SLC4A4: variants seen among roughly 807,000 people sequenced by gnomAD.
SLC4A4 encodes electrogenic sodium bicarbonate cotransporter 1.
Under a neutral mutation model 111.5 loss-of-function variants are expected in SLC4A4, and 27 were observed. The ratio of observed to expected loss-of-function variants is 0.24; its 90% CI spans 0.18 to 0.33. The LOEUF (loss-of-function observed/expected upper bound fraction) is 0.33. Ranked by LOEUF, SLC4A4 falls within the 10% of genes least tolerant of loss-of-function variation. The probability of loss-of-function intolerance (pLI) is 1.00; values close to 1 mark genes in which losing one functional copy is unlikely to be tolerated. For missense variants in SLC4A4, 909 were observed against 1,315.5 expected, an observed-to-expected ratio of 0.69 and a Z score of 4.78; for synonymous variants, 443 against 463.4, an observed-to-expected ratio of 0.96 and a Z score of 0.57.
chr4:71,218,637 G>C (rs1347872721), intron 1 of SLC4A4, among the ~76,000 whole-genome samples: 3 of 152,016 alleles, frequency 2.0e-5, no homozygotes, highest in Non-Finnish European at 4.4e-5. Context: ...AATCTATATG[G>C]GTTGTATCAC....
intron 3 of SLC4A4, among the ~76,000 whole-genome samples, chr4:71,306,858 G>T (rs1000218436): frequency 6.6e-6 from 1 of 152,054 alleles, no homozygotes; most frequent in Non-Finnish European, 1.5e-5. Flanking sequence ...CTTTTTCTTC[G>T]CCTGCTCTTG....
At chr4:71,476,168 A>C (rs1420419006) in intron 14 of SLC4A4, among the ~76,000 whole-genome samples, 1 of 151,802 alleles carries the variant, frequency 6.6e-6, no homozygotes, top group Non-Finnish European at 1.5e-5. Flanking sequence ...ATGATTGTGT[A>C]TCTCCCCCAT....
At chr4:71,361,029 C>T (rs962622914) in intron 6 of SLC4A4, among the ~76,000 whole-genome samples, 4 of 152,268 alleles carry the variant, frequency 2.6e-5, no homozygotes, top group Admixed American at 1.3e-4. Flanking sequence ...GGAGGAGGAG[C>T]GGCCCGGCTT....
intron 3 of SLC4A4, among the ~76,000 whole-genome samples, chr4:71,283,234 C>T (rs1211401931): frequency 4.6e-5 from 7 of 151,766 alleles, no homozygotes; most frequent in Admixed American, 3.3e-4. Context: ...CCTCATTTCT[C>T]TTTCATTGCC....
chr4:71,481,877 G>A (rs1375733872), intron 14 of SLC4A4, among the ~76,000 whole-genome samples: 1 of 151,234 alleles, frequency 6.6e-6, no homozygotes, highest in Non-Finnish European at 1.5e-5. Context: ...GTATGAAACA[G>A]AGATTGTCCC....
chr4:71,519,569 A>G (rs1732739335), intron 16 of SLC4A4, among the ~76,000 whole-genome samples: 3 of 152,070 alleles, frequency 2.0e-5, no homozygotes, highest in Admixed American at 2.0e-4. Context: ...TTATACCCCA[A>G]CTCATTTCAC....
chr4:71,263,084 A>G (rs868390169), intron 3 of SLC4A4, among the ~76,000 whole-genome samples: 2 of 143,212 alleles, frequency 1.4e-5, no homozygotes, highest in African/African-American at 2.6e-5. Context: ...TCGTTGTTCA[A>G]TTCCCACCTA....
Position 71,149,186 on chromosome 4 carries a change from T to C in SLC4A4, c.-2+56394T>C, listed in dbSNP as rs891025241. ...GCCAGGTGTACTCAGTGAGTTTAAT[T>C]AGAATGGCATGATTCTCTTTCTTGA... On this transcript the variant is annotated intron_variant, in intron 2 of 26. Coordinates refer to the SLC4A4 transcript ENST00000649996. Among the ~76,000 whole-genome samples, 6 of 152,276 alleles carry C rather than the reference T, an allele frequency of 3.9e-5. No homozygotes were observed. The East Asian group carries it at 1.2e-3, about 29-fold the overall frequency.
At chr4:71,170,800 G>A (rs141888407) in intron 2 of SLC4A4, among the ~76,000 whole-genome samples, 102 of 152,318 alleles carry the variant, frequency 6.7e-4, no homozygotes, top group African/African-American at 2.4e-3. Context: ...TATCAGTATG[G>A]AGGAGAGGTC....
At chr4:71,556,025 G>A (rs1475798816) in intron 21 of SLC4A4, among the ~76,000 whole-genome samples, 1 of 151,864 alleles carries the variant, frequency 6.6e-6, no homozygotes, top group Non-Finnish European at 1.5e-5. Context: ...TATTTTAATG[G>A]GAAAAGACTG....
In SLC4A4 at chr4:71,571,863, A is replaced by T. The variant is rs1737950717; in HGVS notation, c.*4112A>T. ...TTTTTATTTTAAATGAAGTAGATCAACATGGTGGAACAAAATGATAAAGAA... is the reference window on the plus strand; with the variant it reads ...TTTTTATTTTAAATGAAGTAGATCATCATGGTGGAACAAAATGATAAAGAA... On this transcript the variant is annotated 3_prime_UTR_variant, in exon 26 of 26. Transcript: ENST00000264485. 6.6e-6 allele frequency: 1 copy of T among 152,304 alleles called. No homozygotes were observed. Among genetic ancestry groups the T allele is most frequent in the Non-Finnish European group, 1.5e-5 (1 of 67,890 alleles). The allele number at this position is 152,304 out of a possible 1,614,324, so 9.4% of individuals were successfully genotyped here.
In SLC4A4 at chr4:71,395,987, T is replaced by C. The variant is rs4490429; in HGVS notation, c.731-1590T>C. Reference sequence around the variant, plus strand: ...GCTGGTTTTGTTTTTAAATGTCAAGTGCAAAATTGTCTGTACTCATCATTT... The same window carrying C: ...GCTGGTTTTGTTTTTAAATGTCAAGCGCAAAATTGTCTGTACTCATCATTT... On this transcript the variant is annotated intron_variant, in intron 6 of 25. Coordinates refer to ENST00000264485, the MANE Select transcript of SLC4A4 (RefSeq NM_001098484.3). 9.1e-3 allele frequency among the ~76,000 whole-genome samples: 1,380 copies of C among 152,302 alleles called. 25 individuals carry two copies. Among genetic ancestry groups the C allele is most frequent in the African/African-American group, 0.032 (1,328 of 41,568 alleles).
chr4:71,398,443 A>G (rs1357069924), intron 7 of SLC4A4, among the ~76,000 whole-genome samples: 1 of 152,142 alleles, frequency 6.6e-6, no homozygotes, highest in Non-Finnish European at 1.5e-5. Context: ...CAGGTTTTGA[A>G]TATCTGTTTG....
chr4:71,554,125 A>T (rs556098299), intron 20 of SLC4A4, among the ~76,000 whole-genome samples: 8 of 151,892 alleles, frequency 5.3e-5, no homozygotes, highest in African/African-American at 1.9e-4. Flanking sequence ...TCACAAGGAG[A>T]GGCTGATAGA....
chr4:71,356,876 A>G (rs1730330630), intron 5 of SLC4A4, 132 bp from the exon 6 acceptor site: 14 of 792,876 alleles, frequency 1.8e-5, no homozygotes, highest in Admixed American at 2.5e-5. Flanking sequence ...TTTACATAAA[A>G]TGGGAAATTA....
At chr4:71,103,702 A>T (rs546554697) in intron 2 of SLC4A4, among the ~76,000 whole-genome samples, 4 of 152,288 alleles carry the variant, frequency 2.6e-5, no homozygotes, top group Admixed American at 2.6e-4. Flanking sequence ...AGGCAGAAAT[A>T]AAGATGTTCT....
intron 3 of SLC4A4, among the ~76,000 whole-genome samples, chr4:71,265,628 C>T (rs1243765769): frequency 6.6e-6 from 1 of 152,188 alleles, no homozygotes; most frequent in Non-Finnish European, 1.5e-5. Context: ...AGGACCAGCT[C>T]TCTACATCCA....
chr4:71,193,980 C>A (rs1745872452), intron 1 of SLC4A4, among the ~76,000 whole-genome samples: 1 of 151,970 alleles, frequency 6.6e-6, no homozygotes, highest in Admixed American at 6.6e-5. Flanking sequence ...AATAAAAAAC[C>A]CAAACCAAAA....
Position 71,567,970 on chromosome 4 carries a change from C to G in SLC4A4, c.*219C>G, listed in dbSNP as rs1051940070. ...GTTTGGCTGTTTGTTTATTTTTTAA[C>G]TTTTATTTCGTCTCAGTTTTTGGTC... On this transcript the variant is annotated 3_prime_UTR_variant, in exon 26 of 26. Transcript: ENST00000264485. 17 of 916,696 alleles carry G rather than the reference C, an allele frequency of 1.9e-5. No homozygotes were observed. Among genetic ancestry groups the G allele is most frequent in the Middle Eastern group, 2.6e-4 (1 of 3,872 alleles). 56.8% of individuals were successfully genotyped at this position (916,696 alleles called of 1,614,324 possible).
Sources: allele counts gnomAD v4.1 joint callset (sites outside exome capture counted in the v4.1 genomes callset), GRCh38; gene constraint gnomAD v4.1.1; transcripts MANE v1.5; gene names NCBI Gene and HGNC (gene_info 2026-07-23, HGNC 2026-07-21).